MYT1L: variants seen among roughly 807,000 people sequenced by gnomAD.
The protein encoded by MYT1L is myelin transcription factor 1-like protein.
MYT1L carries 12 observed loss-of-function variants against 126.7 expected under a neutral mutation model. That is an observed-to-expected ratio of 0.09 (90% CI 0.06 to 0.15). MYT1L has a LOEUF of 0.15. MYT1L is among the 10% of genes least tolerant of loss of function. The pLI is 1.00. For synonymous variants in MYT1L, 541 were observed against 604.2 expected (o/e 0.90, Z 1.53); for missense variants, 979 against 1,585.2 (o/e 0.62, Z 6.49).
intron 1 of MYT1L, among the ~76,000 whole-genome samples, chr2:2,320,496 A>T (rs758725853): frequency 3.9e-5 from 6 of 152,084 alleles, no homozygotes; most frequent in Non-Finnish European, 8.8e-5. Flanking sequence ...AAAAAGAAAA[A>T]AAAAGCCAGC....
intron 15 of MYT1L, among the ~76,000 whole-genome samples, chr2:1,890,239 T>A (rs2148861732): frequency 6.6e-6 from 1 of 152,104 alleles, no homozygotes; most frequent in South Asian, 2.1e-4. Context: ...CCAACTAATT[T>A]TTGTATTTTT....
At chr2:2,244,698 T>C (rs2094499999) in intron 2 of MYT1L, among the ~76,000 whole-genome samples, 1 of 152,030 alleles carries the variant, frequency 6.6e-6, no homozygotes, top group Admixed American at 6.6e-5. Context: ...AGAGGGGAAA[T>C]GGTGGCAGAA....
chr2:2,154,847 C>A (rs111880939), intron 3 of MYT1L, among the ~76,000 whole-genome samples: 15 of 152,302 alleles, frequency 9.8e-5, no homozygotes, highest in African/African-American at 3.4e-4. Context: ...ATAAATGCGG[C>A]CGGGTGCAGT....
chr2:2,123,724 C>A (rs1291981685), intron 3 of MYT1L, among the ~76,000 whole-genome samples: 2 of 152,148 alleles, frequency 1.3e-5, no homozygotes, highest in Non-Finnish European at 2.9e-5. Flanking sequence ...ATTACTTAGT[C>A]TCGGGTATTT....
intron 3 of MYT1L, among the ~76,000 whole-genome samples, chr2:2,133,015 G>A (rs1275094413): frequency 2.0e-5 from 3 of 152,064 alleles, no homozygotes; most frequent in Non-Finnish European, 4.4e-5. Flanking sequence ...TTTGAAAGAT[G>A]TCATAACAAG....
chr2:1,951,346 G>A lies in MYT1L; in HGVS notation c.153-8012C>T, dbSNP rs569557119. Among the ~76,000 whole-genome samples, 4 of 152,168 alleles carry A rather than the reference G, an allele frequency of 2.6e-5. No homozygotes were observed. In the South Asian group the frequency reaches 8.3e-4, roughly 32 times the overall value. On this transcript the variant is annotated intron_variant, in intron 8 of 24. Coordinates refer to ENST00000647738, the MANE Select transcript of MYT1L (RefSeq NM_001303052.2). ...CTGGGGAGGGAAGAAGGGGCCAGCA[G>A]AGGGGACAGAGATGAAGAGGTCAGG...
intron 1 of MYT1L, among the ~76,000 whole-genome samples, chr2:2,296,872 C>A (rs1179655429): frequency 1.3e-5 from 2 of 152,216 alleles, no homozygotes; most frequent in Non-Finnish European, 2.9e-5. Context: ...GGCTGGCCAG[C>A]ACCCCAGAGC....
rs184637344 is a variant in MYT1L at position 2,098,299 on chromosome 2, A to C, written c.-303-44176T>G. Among the ~76,000 whole-genome samples, 12 of 152,296 alleles carry C rather than the reference A, an allele frequency of 7.9e-5. 1 individual carries two copies. In the East Asian group the frequency reaches 9.7e-4, roughly 12 times the overall value. On this transcript the variant is annotated intron_variant, in intron 3 of 24. Coordinates refer to ENST00000647738, the MANE Select transcript of MYT1L (RefSeq NM_001303052.2). ...TCAGGAGACAGATGTCTTTTCAACA[A>C]CACCAATAATTTATGCTTTTTAAAG...
chr2:2,113,099 A>G, intron 3 of MYT1L, among the ~76,000 whole-genome samples: 1 of 152,200 alleles, frequency 6.6e-6, no homozygotes, highest in Non-Finnish European at 1.5e-5. Flanking sequence ...GGCTGGGAGA[A>G]GAAGCAGATT....
At chr2:1,907,836 C>T (rs1272177636) in intron 13 of MYT1L, among the ~76,000 whole-genome samples, 2 of 152,254 alleles carry the variant, frequency 1.3e-5, no homozygotes, top group Admixed American at 6.5e-5. Context: ...CATGCTGGGA[C>T]AGGGACTTGT....
intron 1 of MYT1L, among the ~76,000 whole-genome samples, chr2:2,298,818 C>T (rs2095740199): frequency 6.6e-6 from 1 of 152,140 alleles, no homozygotes; most frequent in African/African-American, 2.4e-5. Context: ...AGTCCTCTCA[C>T]TCTCTCCACG....
intron 19 of MYT1L, among the ~76,000 whole-genome samples, chr2:1,846,676 G>A (rs542058655): frequency 8.5e-5 from 13 of 152,288 alleles, no homozygotes; most frequent in Admixed American, 7.8e-4. Flanking sequence ...GTGGGTGTCC[G>A]GCCCGGAGCC....
intron 1 of MYT1L, among the ~76,000 whole-genome samples, chr2:2,311,706 G>C (rs72769263): frequency 1.3e-5 from 2 of 152,042 alleles, no homozygotes; most frequent in East Asian, 3.9e-4. Flanking sequence ...TGCAAGATAG[G>C]GGAGCAGGAA....
intron 3 of MYT1L, among the ~76,000 whole-genome samples, chr2:2,138,930 T>C (rs1197106947): frequency 1.3e-5 from 2 of 151,618 alleles, no homozygotes; most frequent in African/African-American, 2.4e-5. Context: ...CACACTGTGC[T>C]AGCTGGGCAG....
intron 4 of MYT1L, among the ~76,000 whole-genome samples, chr2:2,014,142 T>A (rs988615726): frequency 6.6e-6 from 1 of 151,414 alleles, no homozygotes; most frequent in African/African-American, 2.4e-5. Context: ...GCAAGTAAAG[T>A]GCATCTCATT....
intron 3 of MYT1L, among the ~76,000 whole-genome samples, chr2:2,147,801 C>T (rs2085109492): frequency 1.3e-5 from 2 of 152,210 alleles, no homozygotes; most frequent in African/African-American, 4.8e-5. Flanking sequence ...GCAGCCCGTC[C>T]ACCTGGGAGC....
intron 21 of MYT1L, chr2:1,827,763 A>C (rs1572615059): frequency 6.6e-6 from 1 of 151,494 alleles, no homozygotes; most frequent in African/African-American, 2.4e-5. Context: ...GAGAGCGAGG[A>C]CCCCTCCCCT....
At chr2:1,914,534 C>T (rs1247839425) in intron 11 of MYT1L, among the ~76,000 whole-genome samples, 1 of 152,128 alleles carries the variant, frequency 6.6e-6, no homozygotes, top group Non-Finnish European at 1.5e-5. Context: ...ATCCAGGTAG[C>T]CACCTCTGCA....
chr2:2,207,696 C>G (rs2093367246), intron 2 of MYT1L, among the ~76,000 whole-genome samples: 2 of 152,300 alleles, frequency 1.3e-5, no homozygotes, highest in African/African-American at 4.8e-5. Context: ...CAGATTCTCT[C>G]AGGATCTGAT....
Sources: allele counts gnomAD v4.1 joint callset (sites outside exome capture counted in the v4.1 genomes callset), GRCh38; gene constraint gnomAD v4.1.1; transcripts MANE v1.5; gene names NCBI Gene and HGNC (gene_info 2026-07-23, HGNC 2026-07-21).